Variants in CAPN11 observed in about 807,000 individuals in gnomAD.
CAPN11 encodes the protein calpain 11, also known as calpain-11.
In CAPN11, 108 loss-of-function variants were observed where a neutral mutation model predicts 105.3. That is an observed-to-expected ratio of 1.03 (90% CI 0.88 to 1.20). The LOEUF (loss-of-function observed/expected upper bound fraction) is 1.20. Among genes scored for constraint, CAPN11 ranks in the 50% most tolerant of loss-of-function variants. The pLI is 0.00. For missense variants in CAPN11, 883 were observed against 924.8 expected, an observed-to-expected ratio of 0.95 and a Z score of 0.59; for synonymous variants, 329 against 344.5, an observed-to-expected ratio of 0.96 and a Z score of 0.50.
intron 2 of CAPN11, among the ~76,000 whole-genome samples, chr6:44,167,214 C>T (rs9462969): frequency 6.6e-6 from 1 of 152,002 alleles, no homozygotes; most frequent in Non-Finnish European, 1.5e-5. Context: ...AGAGCAGCAT[C>T]TAGGCCGGGC....
intron 2 of CAPN11, among the ~76,000 whole-genome samples, chr6:44,167,109 C>A (rs993785172): frequency 5.3e-5 from 8 of 152,130 alleles, no homozygotes; most frequent in Non-Finnish European, 4.4e-5. Flanking sequence ...TCGCCCAGTG[C>A]CACCTGCTCA....
intron 2 of CAPN11, chr6:44,168,801 C>T (rs547409735): frequency 2.1e-5 from 6 of 289,782 alleles, no homozygotes; most frequent in East Asian, 8.9e-5. Context: ...TTGTATTTTT[C>T]GTAGGGACAG....
chr6:44,183,632 C>T, intron 21 of CAPN11, 73 bp from the exon 22 acceptor site: 3 of 1,418,588 alleles, frequency 2.1e-6, no homozygotes, highest in Non-Finnish European at 3.0e-6. Context: ...CCCTTCCTAC[C>T]TAGTTGGGAG....
chr6:44,171,615 C>A (rs760704067), intron 4 of CAPN11, among the ~76,000 whole-genome samples: 4 of 152,006 alleles, frequency 2.6e-5, no homozygotes, highest in Non-Finnish European at 5.9e-5. Flanking sequence ...ACTGCTTGAG[C>A]TCAGGAGTTC....
intron 4 of CAPN11, 127 bp from the exon 5 acceptor site, chr6:44,172,175 C>T (rs1361390887): frequency 3.5e-6 from 2 of 577,002 alleles, no homozygotes; most frequent in Non-Finnish European, 6.1e-6. Context: ...AGGGAGGGTG[C>T]CTCTCCGCCG....
intron 1 of CAPN11, among the ~76,000 whole-genome samples, chr6:44,163,974 A>G (rs926945876): frequency 9.2e-5 from 14 of 152,156 alleles, no homozygotes; most frequent in Admixed American, 2.6e-4. Flanking sequence ...AGGAGCTGGG[A>G]CCACAGGCAC....
At chr6:44,182,690 C>T (rs370272797) in intron 19 of CAPN11, among the ~76,000 whole-genome samples, 4 of 152,286 alleles carry the variant, frequency 2.6e-5, no homozygotes, top group East Asian at 3.9e-4. Context: ...CCTCCTGCCT[C>T]AGCCTCCTGA....
chr6:44,180,249 C>A, intron 14 of CAPN11, 86 bp downstream of exon 14: 1 of 1,055,176 alleles, frequency 9.5e-7, no homozygotes, highest in South Asian at 1.5e-5. Flanking sequence ...CGGGTCCTCC[C>A]TCACTTTGTC....
At chr6:44,180,566 C>T (rs376520027) in intron 15 of CAPN11, 31 bp from the exon 16 acceptor site, 33 of 1,613,528 alleles carry the variant, frequency 2.0e-5, no homozygotes, top group Non-Finnish European at 2.7e-5. Flanking sequence ...AGTTTTCTGA[C>T]CAGGTCCCTT....
rs531047829 is a variant in CAPN11 at position 44,169,981 on chromosome 6, T to C, written c.409+6T>C. 4 of 1,606,640 alleles carry C rather than the reference T, an allele frequency of 2.5e-6. No individual in the cohort carries two copies. The highest frequency in any genetic ancestry group is 3.4e-6 in the Non-Finnish European group (4 of 1,175,756). ...CATCTGCCAGGGGATCCTCGGTGAG[T>C]GGGGCACAGGAAGCTGGTCTCCACC... On this transcript the variant is annotated splice_donor_region_variant and intron_variant, in intron 4 of 22. Coordinates refer to ENST00000398776, the MANE Select transcript of CAPN11 (RefSeq NM_007058.4).
chr6:44,173,577 TTTG>T (rs386700727), intron 7 of CAPN11, among the ~76,000 whole-genome samples, 191 bp downstream of exon 7: 9,639 of 104,168 alleles, frequency 0.093, 501 homozygotes, highest in East Asian at 0.28. Context: ...TTTGTTTTTT[TTTG>T]TTTGTTTGTT....
chr6:44,176,974 G>C lies in CAPN11; in HGVS notation c.1213G>C (p.Ala405Pro). The part of the protein sequence containing the change: ...YEGSWRRGSS[A>P]GGCRNHPGTF... ...GGGCAGCTGGCGCAGAGGCAGCTCC[G>C]CAGGGGGCTGCAGGAACCACCCTGG... The change falls in exon 11 of 23, where the codon GCA becomes CCA. Residue 405 changes from alanine (A) to proline (P), a missense_variant. By Grantham distance (27) the Ala-to-Pro change is conservative (BLOSUM62 -1). Coordinates refer to ENST00000398776, the MANE Select transcript of CAPN11 (RefSeq NM_007058.4). The C allele has an allele frequency of 6.2e-7, 1 of 1,613,428 alleles. No homozygotes were observed. The highest frequency in any genetic ancestry group is 1.7e-5 in the Admixed American group (1 of 59,986).
At chr6:44,170,281 G>A (rs143130584) in intron 4 of CAPN11, among the ~76,000 whole-genome samples, 23 of 152,288 alleles carry the variant, frequency 1.5e-4, no homozygotes, top group Admixed American at 5.2e-4. Context: ...CTTATCTCAC[G>A]GTTCCTGTGG....
intron 12 of CAPN11, among the ~76,000 whole-genome samples, chr6:44,178,313 GC>G (rs1275727983): frequency 2.0e-5 from 3 of 152,148 alleles, no homozygotes; most frequent in Admixed American, 2.0e-4. Flanking sequence ...TTCTCCACAC[GC>G]CCCGCCCGAC....
intron 4 of CAPN11, among the ~76,000 whole-genome samples, chr6:44,170,895 C>A (rs748949381): frequency 6.6e-6 from 1 of 152,140 alleles, no homozygotes; most frequent in African/African-American, 2.4e-5. Context: ...CCAGATCCCT[C>A]GCTGCCTCTT....
intron 13 of CAPN11, 156 bp downstream of exon 13, chr6:44,179,786 G>C (rs992336163): frequency 3.2e-6 from 3 of 939,652 alleles, no homozygotes; most frequent in Middle Eastern, 2.6e-4. Context: ...GGTCGGGAAA[G>C]GAAGAGACCC....
intron 3 of CAPN11, 126 bp from the exon 4 acceptor site, chr6:44,169,780 C>A (rs535731249): frequency 1.3e-5 from 11 of 838,266 alleles, no homozygotes; most frequent in Middle Eastern, 5.6e-4. Context: ...GGTCCTGTAC[C>A]CTCTCCCTGC....
chr6:44,173,172 C>T (rs1771316947), intron 6 of CAPN11, 46 bp from the exon 7 acceptor site: 1 of 1,607,416 alleles, frequency 6.2e-7, no homozygotes, highest in African/African-American at 1.3e-5. Context: ...CCTCCCTCCC[C>T]TCACCTCCAT....
At position 44,181,262 on chromosome 6, in the gene CAPN11, C is replaced by G. The variant is rs539690272; in HGVS notation, c.1880C>G (p.Ser627Cys). Reference sequence around the variant, plus strand: ...TTGACCACCTTCCAGAAAGATGGCTCTGGCAAGCTGGGGCTTCTAGAGTTC... The same window carrying G: ...TTGACCACCTTCCAGAAAGATGGCTGTGGCAAGCTGGGGCTTCTAGAGTTC... ...CMINLMDKDG[S>C]GKLGLLEFKI... is the part of the protein sequence containing the mutation. Residue 627 changes from serine to cysteine, a missense_variant, in exon 19 of 23, where the codon TCT (serine) becomes TGT (cysteine). Ser to Cys is a moderately radical substitution (Grantham distance 112). Transcript: ENST00000398776. 10 of 1,613,534 alleles carry G rather than the reference C, an allele frequency of 6.2e-6. No individual in the cohort carries two copies. Among genetic ancestry groups the G allele is most frequent in the African/African-American group, 2.7e-5 (2 of 74,960 alleles).
Sources: gnomAD v4.1 joint callset for allele counts (sites outside exome capture counted in the v4.1 genomes callset) on GRCh38, gnomAD v4.1.1 for gene constraint, MANE v1.5 for transcripts, NCBI Gene and HGNC (gene_info 2026-07-23, HGNC 2026-07-21) for gene names.